PAM: variants seen among roughly 807,000 people sequenced by gnomAD.
PAM encodes the protein peptidyl-glycine alpha-amidating monooxygenase.
Under a neutral mutation model 122.1 loss-of-function variants are expected in PAM, and 72 were observed. That is an observed-to-expected ratio of 0.59 (90% CI 0.49 to 0.72). The LOEUF (loss-of-function observed/expected upper bound fraction) is 0.72, where lower values mean the gene tolerates loss of function less well. Ranked by LOEUF, PAM falls within the 30% of genes least tolerant of loss-of-function variation. The pLI is 0.00. For missense variants in PAM, 1,106 were observed against 1,183.7 expected, an observed-to-expected ratio of 0.93 and a Z score of 0.96; for synonymous variants, 389 against 404.4, an observed-to-expected ratio of 0.96 and a Z score of 0.46.
intron 25 of PAM, 114 bp from the exon 26 acceptor site, chr5:103,028,773 A>G: frequency 3.1e-6 from 2 of 650,146 alleles, no homozygotes; most frequent in Non-Finnish European, 5.3e-6. Flanking sequence ...TTTTTAAATA[A>G]AATAATCTCC....
intron 22 of PAM, 124 bp from the exon 23 acceptor site, chr5:103,019,661 CTAATA>C: frequency 1.5e-6 from 1 of 671,220 alleles, no homozygotes; most frequent in Non-Finnish European, 2.7e-6. Context: ...GAACTCTTTC[CTAATA>C]TAATAATGCA....
intron 3 of PAM, among the ~76,000 whole-genome samples, chr5:102,875,640 C>A (rs940489239): frequency 1.3e-5 from 2 of 152,126 alleles, no homozygotes; most frequent in Non-Finnish European, 2.9e-5. Context: ...TGTTGTTATT[C>A]TTGTCTAAAT....
At chr5:102,784,612 T>C (rs924993057) in intron 1 of PAM, among the ~76,000 whole-genome samples, 6 of 152,224 alleles carry the variant, frequency 3.9e-5, no homozygotes, top group African/African-American at 1.4e-4. Flanking sequence ...ATGTAGCCTC[T>C]TCCATATTAA....
chr5:102,767,589 A>G (rs1754480312), intron 1 of PAM, among the ~76,000 whole-genome samples: 1 of 152,230 alleles, frequency 6.6e-6, no homozygotes. Context: ...TAGAAATTGA[A>G]TACTTGACCT....
chr5:102,946,018 C>A (rs1756919875), intron 7 of PAM, among the ~76,000 whole-genome samples: 1 of 152,082 alleles, frequency 6.6e-6, no homozygotes, highest in South Asian at 2.1e-4. Flanking sequence ...GGGAAATATG[C>A]AAAACTAGCT....
intron 1 of PAM, among the ~76,000 whole-genome samples, chr5:102,844,784 G>C (rs2150626102): frequency 6.6e-6 from 1 of 152,310 alleles, no homozygotes; most frequent in African/African-American, 2.4e-5. Context: ...GGGTTCCACA[G>C]CTTATGAGTA....
intron 12 of PAM, among the ~76,000 whole-genome samples, chr5:102,959,490 A>G (rs1031660781): frequency 6.6e-6 from 1 of 152,182 alleles, no homozygotes; most frequent in African/African-American, 2.4e-5. Flanking sequence ...TTAAGGAAAT[A>G]ATAAAGATTT....
At chr5:102,908,206 C>T (rs1442534089) in intron 4 of PAM, among the ~76,000 whole-genome samples, 1 of 152,024 alleles carries the variant, frequency 6.6e-6, no homozygotes, top group African/African-American at 2.4e-5. Context: ...GCCAGTTTCC[C>T]CAGCACCATT....
At chr5:103,028,150 GA>G (rs1324140277) in intron 24 of PAM, 34 bp from the exon 25 acceptor site, 1 of 1,558,242 alleles carries the variant, frequency 6.4e-7, no homozygotes. Flanking sequence ...AGATGACTGG[GA>G]CTCATTTTGA....
Position 102,919,268 on chromosome 5 carries a change from A to G in PAM, c.356+5247A>G, listed in dbSNP as rs1386143017. 3.3e-5 allele frequency among the ~76,000 whole-genome samples: 5 copies of G among 152,208 alleles called. No homozygotes were observed. The East Asian group carries it at 7.7e-4, about 24-fold the overall frequency. On this transcript the variant is annotated intron_variant, in intron 5 of 25. Transcript: ENST00000438793. The stretch of plus-strand genomic sequence containing the variant: ...AAAGGAGATAAAACATTATATATAT[A>G]TATATGCCTGTATGAGAGATACTCT...
chr5:102,931,824 C>G (rs1236191809), intron 7 of PAM, among the ~76,000 whole-genome samples: 1 of 151,918 alleles, frequency 6.6e-6, no homozygotes, highest in African/African-American at 2.4e-5. Flanking sequence ...CTCTCTCTCT[C>G]TCTCTCTCTG....
chr5:102,769,727 C>T (rs530179507), intron 1 of PAM, among the ~76,000 whole-genome samples: 1 of 152,152 alleles, frequency 6.6e-6, no homozygotes, highest in Admixed American at 6.5e-5. Context: ...GTGTTTATGC[C>T]AGTACCATGC....
chr5:102,805,064 C>CTTTTTTTTTTTTTTTTTTTTTT (rs527963126), intron 1 of PAM, among the ~76,000 whole-genome samples: 1 of 103,776 alleles, frequency 9.6e-6, no homozygotes, highest in Non-Finnish European at 1.9e-5. Context: ...GGGAATTTTC[C>CTTTTTTTTTTTTTTTTTTTTTT]TTTTTTTTTT....
chr5:102,888,739 T>C (rs1323367567), intron 3 of PAM, among the ~76,000 whole-genome samples: 1 of 151,988 alleles, frequency 6.6e-6, no homozygotes, highest in Non-Finnish European at 1.5e-5. Context: ...TTAATGTCTC[T>C]TTTCTGAGCC....
downstream of PAM, chr5:103,030,449 G>A (rs189126358): frequency 2.6e-5 from 4 of 152,316 alleles, no homozygotes; most frequent in Admixed American, 2.0e-4. Context: ...CGGCATCATA[G>A]TAGTTGGAAT....
intron 1 of PAM, among the ~76,000 whole-genome samples, chr5:102,845,026 A>G (rs931461962): frequency 6.6e-6 from 1 of 152,236 alleles, no homozygotes; most frequent in African/African-American, 2.4e-5. Context: ...CAAACATCAC[A>G]AGATCACCTG....
chr5:102,861,406 G>T (rs1784152751), intron 1 of PAM, among the ~76,000 whole-genome samples: 1 of 152,150 alleles, frequency 6.6e-6, no homozygotes, highest in Non-Finnish European at 1.5e-5. Context: ...CCTGAATCTG[G>T]TCCTAATGAA....
chr5:102,841,406 T>TACACACACACACACACACACAC (rs35825092), intron 1 of PAM, among the ~76,000 whole-genome samples: 4 of 138,538 alleles, frequency 2.9e-5, no homozygotes, highest in East Asian at 4.3e-4. Context: ...CACCTACAAA[T>TACACACACACACACACACACAC]ACACACACAC....
At chr5:102,974,068 C>T in intron 14 of PAM, 48 bp from the exon 15 acceptor site, 2 of 1,327,474 alleles carry the variant, frequency 1.5e-6, no homozygotes, top group Non-Finnish European at 2.1e-6. Flanking sequence ...GTAAATTTTG[C>T]AATCTTATCT....
Sources: allele counts gnomAD v4.1 joint callset (sites outside exome capture counted in the v4.1 genomes callset), GRCh38; gene constraint gnomAD v4.1.1; transcripts MANE v1.5; gene names NCBI Gene and HGNC (gene_info 2026-07-23, HGNC 2026-07-21).